MARF1: variants seen among roughly 807,000 people sequenced by gnomAD.
MARF1 encodes limkain-b1.
In MARF1, 24 loss-of-function variants were observed where a neutral mutation model predicts 168.2. The ratio of observed to expected loss-of-function variants is 0.14; its 90% CI spans 0.10 to 0.20. The LOEUF (loss-of-function observed/expected upper bound fraction) is 0.20. Among genes scored for constraint, MARF1 ranks in the 10% least tolerant of loss-of-function variants. MARF1 has a pLI of 1.00. For synonymous variants in MARF1, 868 were observed against 822.4 expected (o/e 1.06, Z -0.95); for missense variants, 1,744 against 2,143.6 (o/e 0.81, Z 3.68).
chr16:15,604,508 C>CT (rs1783689431), intron 21 of MARF1, 110 bp from the exon 22 acceptor site: 4 of 708,330 alleles, frequency 5.6e-6, no homozygotes, highest in Admixed American at 5.6e-5. Context: ...TGAAAAATCT[C>CT]TAATTTTTTT....
At chr16:15,636,884 T>C (rs989909297) in intron 2 of MARF1, among the ~76,000 whole-genome samples, 2 of 152,158 alleles carry the variant, frequency 1.3e-5, no homozygotes, top group Non-Finnish European at 2.9e-5. Context: ...GTGTTGCTGA[T>C]GACATTTCAT....
At chr16:15,601,644 G>C in intron 23 of MARF1, 1 of 391,348 alleles carries the variant, frequency 2.6e-6, no homozygotes, top group East Asian at 4.9e-5. Flanking sequence ...AGGCTCCCCA[G>C]GCTTGGGAAG....
chr16:15,604,411 A>G lies in MARF1; in HGVS notation c.4183-13T>C. 2 of 1,590,524 alleles carry G rather than the reference A, an allele frequency of 1.3e-6. No homozygotes were observed. Among genetic ancestry groups the G allele is most frequent in the Non-Finnish European group, 1.7e-6 (2 of 1,158,582 alleles). ...CTATATCGGCAACCTGGGGAAAACG[A>G]GAATTCACACTTTTCAGAGCTCAAG... On this transcript the variant is annotated splice_polypyrimidine_tract_variant and intron_variant, in intron 21 of 26. Transcript: ENST00000396368.
Position 15,608,532 on chromosome 16 carries a change from C to G in MARF1, c.3955-14G>C, listed in dbSNP as rs147720054. 1.4e-3 allele frequency: 2,153 copies of G among 1,575,792 alleles called. 32 individuals carry two copies. In the African/African-American group the frequency reaches 0.027, roughly 19 times the overall value. ...ACATTCCAATACCTTTGAAAACACACGGGGGGAGGAAAGGGAAAATAAACA... is the reference window on the plus strand; with the variant it reads ...ACATTCCAATACCTTTGAAAACACAGGGGGGGAGGAAAGGGAAAATAAACA... On this transcript the variant is annotated splice_polypyrimidine_tract_variant and intron_variant, in intron 20 of 26. Coordinates refer to ENST00000396368, the MANE Select transcript of MARF1 (RefSeq NM_014647.4).
Position 15,623,120 on chromosome 16 carries a change from A to G in MARF1, c.2274T>C (p.Ser758=). ...CTCTGTTTAAAAGGTTTGGAGACAT[A>G]CTCCTGCTTAAAACACACATATTGA... ...LLASQSWSSR[S]MSPNLLNRAS... Residue 758 remains serine (S), a synonymous_variant, in exon 11 of 27, where the codon AGT becomes AGC. Transcript: ENST00000396368. 1.3e-6 allele frequency: 2 copies of G among 1,579,652 alleles called. No individual in the cohort carries two copies. Among genetic ancestry groups the G allele is most frequent in the Middle Eastern group, 1.7e-4 (1 of 5,942 alleles).
intron 22 of MARF1, 122 bp from the exon 23 acceptor site, chr16:15,602,325 A>C: frequency 4.0e-6 from 3 of 743,662 alleles, no homozygotes; most frequent in Non-Finnish European, 6.8e-6. Context: ...AAGAAAAAGA[A>C]GGCAACGAAG....
chr16:15,611,625 A>T lies in MARF1; in HGVS notation c.3584T>A (p.Val1195Asp). ...AGCCTGTGAGAATTCTCTCACAATGACCTGTTTGCTGGCCTGGGATTTGAG... is the reference window on the plus strand; with the variant it reads ...AGCCTGTGAGAATTCTCTCACAATGTCCTGTTTGCTGGCCTGGGATTTGAG... ...KLLKSQASKQ[V>D]IVREFSQAYH... is the part of the protein sequence containing the mutation. The change falls in exon 18 of 27, where the codon GTC (valine) becomes GAC (aspartate). Residue 1195 changes from valine (V) to aspartate (D), a missense_variant. Physicochemically the swap from Val to Asp is radical, Grantham distance 152. Transcript: ENST00000396368. 1 of 1,614,124 alleles carries T rather than the reference A, an allele frequency of 6.2e-7. No homozygotes were observed. The highest frequency in any genetic ancestry group is 8.5e-7 in the Non-Finnish European group (1 of 1,179,986).
chr16:15,630,488 T>C lies in MARF1; in HGVS notation c.1368A>G (p.Ala456=), dbSNP rs752811579. The change falls in exon 7 of 27, where the codon GCA becomes GCG. Residue 456 remains alanine, a synonymous_variant. Coordinates refer to ENST00000396368, the MANE Select transcript of MARF1 (RefSeq NM_014647.4). ...TGTGTCTCAGGTCACTAAGTTCCAA[T>C]GCAAAATTGACATCAGCTGAAAGAA... ...VVLVSTDVNF[A]LELSDLRHRH... 5 of 1,613,116 alleles carry C rather than the reference T, an allele frequency of 3.1e-6. No individual in the cohort carries two copies. Among genetic ancestry groups the C allele is most frequent in the Admixed American group, 1.7e-5 (1 of 59,890 alleles).
rs116132984 is a variant in MARF1, at chr16:15,596,263, T to C, written c.*430A>G. ...GACATGCCACGCACTGGGTTAATAC[T>C]GTCGGAAACACCAGTAAGCAAAGGC... On this transcript the variant is annotated 3_prime_UTR_variant, in exon 27 of 27. Transcript: ENST00000396368. 2,874 of 154,704 alleles carry C rather than the reference T, an allele frequency of 0.019. 87 individuals carry two copies. The highest frequency in any genetic ancestry group is 0.066 in the African/African-American group (2,734 of 41,564). 9.6% of individuals were successfully genotyped at this position (154,704 alleles called of 1,614,324 possible). A position where few individuals can be genotyped will look rare whatever the true frequency, so the allele number is the denominator to read the frequency against.
chr16:15,635,420 C>A (rs897268506), intron 3 of MARF1: 2 of 522,790 alleles, frequency 3.8e-6, no homozygotes, highest in Non-Finnish European at 6.7e-6. Flanking sequence ...TTGTTTGCAA[C>A]AAGAGGCTCT....
At chr16:15,597,366 C>A (rs2031832304) in intron 26 of MARF1, among the ~76,000 whole-genome samples, 1 of 152,174 alleles carries the variant, frequency 6.6e-6, no homozygotes, top group South Asian at 2.1e-4. Flanking sequence ...GAGCTCCTGG[C>A]CTGCTCCATT....
chr16:15,601,932 G>T, intron 23 of MARF1, 59 bp downstream of exon 23: 3 of 1,374,316 alleles, frequency 2.2e-6, no homozygotes, highest in Non-Finnish European at 3.1e-6. Flanking sequence ...TTCTGTTCAG[G>T]ACAGTTAGCC....
At chr16:15,630,537 CA>C in intron 6 of MARF1, 33 bp from the exon 7 acceptor site, 3 of 1,575,764 alleles carry the variant, frequency 1.9e-6, no homozygotes, top group Middle Eastern at 2.1e-4. Flanking sequence ...ACCCCATCCC[CA>C]AACATTAGAA....
intron 20 of MARF1, among the ~76,000 whole-genome samples, chr16:15,609,171 G>A (rs1466863584): frequency 3.9e-5 from 6 of 152,160 alleles, no homozygotes; most frequent in South Asian, 2.1e-4. Flanking sequence ...ACCCGCAGGC[G>A]GAGGTTGCAG....
chr16:15,636,650 AT>A (rs1846671811), intron 2 of MARF1, among the ~76,000 whole-genome samples: 2 of 152,278 alleles, frequency 1.3e-5, no homozygotes, highest in Non-Finnish European at 1.5e-5. Context: ...CCTTTTGGTA[AT>A]TTCCCCTTGC....
intron 2 of MARF1, among the ~76,000 whole-genome samples, chr16:15,638,839 A>T (rs927453483): frequency 2.0e-5 from 3 of 152,228 alleles, no homozygotes; most frequent in Non-Finnish European, 4.4e-5. Context: ...GACTTTAATG[A>T]GGAAGAAATC....
chr16:15,618,629 G>A (rs1404431170), intron 13 of MARF1, among the ~76,000 whole-genome samples: 2 of 152,066 alleles, frequency 1.3e-5, no homozygotes, highest in Non-Finnish European at 2.9e-5. Flanking sequence ...CCCTGGCCCT[G>A]GTGGCATTCC....
chr16:15,623,946 C>G (rs982468168), intron 10 of MARF1, among the ~76,000 whole-genome samples: 21 of 143,220 alleles, frequency 1.5e-4, no homozygotes, highest in Non-Finnish European at 1.5e-5. Flanking sequence ...GAGTCTCGCT[C>G]TGTCACCCAG....
Position 15,636,090 on chromosome 16 carries a change from C to T in MARF1, c.397G>A (p.Gly133Ser). ...SGGTSSLIHPGALLDSQSTRT... is the reference protein window; with the variant it reads ...SGGTSSLIHPSALLDSQSTRT... ...GTGCTTTGCGAGTCTAACAGTGCGC[C>T]CGGGTGAATCAAGCTACTGGTACCT... is the stretch of plus-strand genomic sequence containing the variant. Residue 133 changes from glycine to serine, a missense_variant, in exon 3 of 27, where the codon GGC becomes AGC. Coordinates refer to ENST00000396368, the MANE Select transcript of MARF1 (RefSeq NM_014647.4). 1 of 1,614,190 alleles carries T rather than the reference C, an allele frequency of 6.2e-7. No individual in the cohort carries two copies.
Sources: gnomAD v4.1 joint callset for allele counts (sites outside exome capture counted in the v4.1 genomes callset) on GRCh38, gnomAD v4.1.1 for gene constraint, MANE v1.5 for transcripts, NCBI Gene and HGNC (gene_info 2026-07-23, HGNC 2026-07-21) for gene names.